Variants in FGF14 observed in about 807,000 individuals in gnomAD.
FGF14 encodes fibroblast growth factor 14.
FGF14 carries 5 observed loss-of-function variants against 25.5 expected under a neutral mutation model. That is an observed-to-expected ratio of 0.20 (90% CI 0.10 to 0.41). The LOEUF (loss-of-function observed/expected upper bound fraction) is 0.41, where lower values mean the gene tolerates loss of function less well. Among genes scored for constraint, FGF14 ranks in the 10% least tolerant of loss-of-function variants. FGF14 has a pLI of 1.00. For missense variants in FGF14, 222 were observed against 320.1 expected, an observed-to-expected ratio of 0.69 and a Z score of 2.34; for synonymous variants, 138 against 118.3, an observed-to-expected ratio of 1.17 and a Z score of -1.08.
At chr13:101,835,303 T>C (rs1353795919) in intron 3 of FGF14, among the ~76,000 whole-genome samples, 1 of 151,918 alleles carries the variant, frequency 6.6e-6, no homozygotes, top group African/African-American at 2.4e-5. Flanking sequence ...TTTCCCTTTT[T>C]CAATATCCAA....
At chr13:102,117,478 T>C (rs1249136290) in intron 1 of FGF14, among the ~76,000 whole-genome samples, 2 of 152,196 alleles carry the variant, frequency 1.3e-5, no homozygotes, top group African/African-American at 4.8e-5. Flanking sequence ...GAGGAATCAC[T>C]TGGAGAGCTT....
intron 1 of FGF14, among the ~76,000 whole-genome samples, chr13:102,318,478 C>T (rs1338273106): frequency 6.6e-6 from 1 of 152,168 alleles, no homozygotes; most frequent in Non-Finnish European, 1.5e-5. Flanking sequence ...AGAGTGGACT[C>T]TTTCTGAGAA....
At chr13:102,132,517 T>TTC (rs997260504) in intron 1 of FGF14, among the ~76,000 whole-genome samples, 4 of 38,514 alleles carry the variant, frequency 1.0e-4, no homozygotes, top group Admixed American at 3.4e-4. Flanking sequence ...CTTTCTTTCT[T>TTC]TTTTTTTTTT....
chr13:101,906,984 A>T (rs1157795868), intron 1 of FGF14, among the ~76,000 whole-genome samples: 2 of 152,138 alleles, frequency 1.3e-5, no homozygotes, highest in East Asian at 3.8e-4. Flanking sequence ...TTTCTACATA[A>T]TGCTTAAACT....
chr13:102,150,817 G>A (rs1566748217), intron 1 of FGF14, among the ~76,000 whole-genome samples: 1 of 152,198 alleles, frequency 6.6e-6, no homozygotes, highest in Non-Finnish European at 1.5e-5. Flanking sequence ...CTACTGGTAT[G>A]TTGTAGATAG....
chr13:101,979,426 T>G (rs948309871), intron 1 of FGF14, among the ~76,000 whole-genome samples: 9 of 152,288 alleles, frequency 5.9e-5, no homozygotes, highest in Admixed American at 1.3e-4. Flanking sequence ...CTCACTGAAT[T>G]TCCCTTAACA....
chr13:102,275,232 ATT>A (rs1555391821), intron 1 of FGF14, among the ~76,000 whole-genome samples: 13 of 92,432 alleles, frequency 1.4e-4, no homozygotes, highest in South Asian at 1.0e-3. Context: ...GATTAGGCAG[ATT>A]TCTCTCTCTC....
intron 1 of FGF14, among the ~76,000 whole-genome samples, chr13:102,276,842 C>T: frequency 6.6e-6 from 1 of 152,102 alleles, no homozygotes; most frequent in East Asian, 1.9e-4. Flanking sequence ...ATTATGAGGC[C>T]TCAGTGTTGC....
chr13:102,147,842 GTTC>G lies in FGF14; in HGVS notation c.208+253626_208+253628del, dbSNP rs951346210. Among the ~76,000 whole-genome samples the G allele has an allele frequency of 4.6e-5, 7 of 152,078 alleles. No individual in the cohort carries two copies. In the East Asian group the frequency reaches 7.7e-4, roughly 17 times the overall value. ...AGGAAGGTTTTGCATGCCAAAAATG[GTTC>G]TTTTGTTTAATCTCAATAGGGAAAA... On this transcript the variant is annotated intron_variant, in intron 1 of 4. Coordinates refer to the FGF14 transcript ENST00000376131.
At chr13:102,296,328 G>GA (rs1440113974) in intron 1 of FGF14, among the ~76,000 whole-genome samples, 1 of 152,114 alleles carries the variant, frequency 6.6e-6, no homozygotes, top group Non-Finnish European at 1.5e-5. Flanking sequence ...AACTTCTTCT[G>GA]AAAAGTATAA....
intron 1 of FGF14, among the ~76,000 whole-genome samples, chr13:102,090,927 T>G (rs2140242897): frequency 6.6e-6 from 1 of 152,354 alleles, no homozygotes; most frequent in South Asian, 2.1e-4. Context: ...CTGAATCAAC[T>G]TAGTGGCTCT....
upstream of FGF14, chr13:102,401,997 G>A: frequency 2.6e-6 from 1 of 377,462 alleles, no homozygotes; most frequent in Non-Finnish European, 4.9e-6. Flanking sequence ...GGCAAAGCAG[G>A]ATTCATCTTA....
intron 1 of FGF14, among the ~76,000 whole-genome samples, chr13:102,008,620 T>C (rs2039925474): frequency 6.6e-6 from 1 of 152,188 alleles, no homozygotes; most frequent in Admixed American, 6.5e-5. Flanking sequence ...AATAACAAGA[T>C]GGTTGGTATA....
chr13:102,326,157 T>C (rs1304558316), intron 1 of FGF14, among the ~76,000 whole-genome samples: 1 of 151,594 alleles, frequency 6.6e-6, no homozygotes, highest in Non-Finnish European at 1.5e-5. Context: ...AATTTGTAAA[T>C]AAGCCCAGAA....
At chr13:102,371,612 TC>T (rs2057887356) in intron 1 of FGF14, among the ~76,000 whole-genome samples, 1 of 152,168 alleles carries the variant, frequency 6.6e-6, no homozygotes, top group Non-Finnish European at 1.5e-5. Context: ...TATGATGAGC[TC>T]CACATGGACA....
intron 1 of FGF14, among the ~76,000 whole-genome samples, chr13:102,217,915 CCAT>C (rs2140945056): frequency 6.6e-6 from 1 of 152,248 alleles, no homozygotes; most frequent in African/African-American, 2.4e-5. Context: ...CAGCCCAACT[CCAT>C]CATGGCTGTG....
chr13:102,322,969 G>A (rs544380132), intron 1 of FGF14, among the ~76,000 whole-genome samples: 1 of 151,972 alleles, frequency 6.6e-6, no homozygotes, highest in South Asian at 2.1e-4. Context: ...TTTGATCCTT[G>A]CTTTTCTCAC....
chr13:101,984,542 A>C (rs933501348), intron 1 of FGF14, among the ~76,000 whole-genome samples: 2 of 152,198 alleles, frequency 1.3e-5, no homozygotes, highest in African/African-American at 4.8e-5. Flanking sequence ...TTCCAACTGT[A>C]ATTTTTAAGA....
At chr13:101,788,872 CTATATATATATATATATATA>C (rs56084859) in intron 3 of FGF14, among the ~76,000 whole-genome samples, 19 of 26,402 alleles carry the variant, frequency 7.2e-4, no homozygotes, top group Admixed American at 3.5e-3. Flanking sequence ...CCTTTTTTGA[CTATATATATATATATATATA>C]TATATATATA....
Sources: allele counts gnomAD v4.1 joint callset (sites outside exome capture counted in the v4.1 genomes callset), GRCh38; gene constraint gnomAD v4.1.1; transcripts MANE v1.5; gene names NCBI Gene and HGNC (gene_info 2026-07-23, HGNC 2026-07-21).